The following DOP1B variants were observed in gnomAD, a reference collection of about 807,000 sequenced individuals.
DOP1B encodes the protein DOP1 leucine zipper like protein B.
A neutral mutation model predicts 233.5 loss-of-function variants in DOP1B; 174 were observed. The ratio of observed to expected loss-of-function variants is 0.75; its 90% CI spans 0.66 to 0.85. The LOEUF (loss-of-function observed/expected upper bound fraction) is 0.85. DOP1B is among the 40% of genes least tolerant of loss of function. DOP1B has a pLI of 0.00. For missense variants in DOP1B, 2,652 were observed against 2,846.6 expected (o/e 0.93, Z 1.56); for synonymous variants, 1,190 against 1,185.6 (o/e 1.00, Z -0.08).
chr21:36,230,994 T>C lies in DOP1B; in HGVS notation c.2210T>C (p.Ile737Thr). The part of the protein sequence containing the change: ...GGEWDVEKVV[I>T]DLGGSREERR... ...GAATGGGATGTTGAGAAGGTGGTCA[T>C]TGACCTGGGGGGTTCCAGGGAGGAA... Residue 737 changes from isoleucine to threonine, a missense_variant, in exon 14 of 37, where the codon ATT (isoleucine) becomes ACT (threonine). This residue lies in a region of DOP1B where 2,617 missense variants were observed against 2,794.3 expected (regional missense o/e 0.94). Coordinates refer to ENST00000691173, the MANE Select transcript of DOP1B (RefSeq NM_001320714.2). 6.2e-7 allele frequency: 1 copy of C among 1,614,158 alleles called. No individual in the cohort carries two copies. The highest frequency in any genetic ancestry group is 1.1e-5 in the South Asian group (1 of 91,084).
intron 2 of DOP1B, among the ~76,000 whole-genome samples, chr21:36,194,778 C>T (rs2066270096): frequency 6.6e-6 from 1 of 152,162 alleles, no homozygotes; most frequent in Admixed American, 6.5e-5. Context: ...TGAGCCACTG[C>T]ACCCAGCCTT....
chr21:36,252,237 C>G (rs2067039754), intron 22 of DOP1B, among the ~76,000 whole-genome samples: 1 of 151,744 alleles, frequency 6.6e-6, no homozygotes, highest in Non-Finnish European at 1.5e-5. Context: ...GGTCACTTAT[C>G]CTAGCACTGT....
chr21:36,256,799 A>G lies in DOP1B; in HGVS notation c.5259+2890A>G, dbSNP rs73377433. 2.6e-3 allele frequency among the ~76,000 whole-genome samples: 400 copies of G among 152,150 alleles called. 1 individual carries two copies. Among genetic ancestry groups the G allele is most frequent in the African/African-American group, 8.9e-3 (371 of 41,516 alleles). On this transcript the variant is annotated intron_variant, in intron 23 of 36. Coordinates refer to ENST00000691173, the MANE Select transcript of DOP1B (RefSeq NM_001320714.2). ...AACAACTGTGTCCTCACTCAACAAC[A>G]TAACAATCAACACAGAAGACTTCTC...
Position 36,293,422 on chromosome 21 carries a change from C to T in DOP1B, c.6748C>T (p.Leu2250=), listed in dbSNP as rs768456173. 5.6e-6 allele frequency: 9 copies of T among 1,614,184 alleles called. No individual in the cohort carries two copies. The Admixed American group carries it at 1.3e-4, about 24-fold the overall frequency. Reference sequence around the variant, plus strand: ...GCAGTTGATGCCATTCTTCATGACTCTAAATGGTGCATTTAAGACCCAGAG... The same window carrying T: ...GCAGTTGATGCCATTCTTCATGACTTTAAATGGTGCATTTAAGACCCAGAG... ...IRQLMPFFMT[L]NGAFKTQRQL... Residue 2250 remains leucine (L), a synonymous_variant, in exon 37 of 37, where the codon CTA becomes TTA. Transcript: ENST00000691173.
chr21:36,263,580 TCA>T lies in DOP1B; in HGVS notation c.5352_5353del (p.Leu1785ValfsTer26), dbSNP rs1297402861. Reference protein sequence around the residue: ...PVPALQENFSSLLGVLKESVQ... With the variant: ...PVPALQENFSXLLGVLKESVQ... ...ACCAGCCTTGCAAGAGAACTTTTCT[TCA>T]CTGTTGGGAGTATTGAAAGAGTCTG... On this transcript the variant is annotated frameshift_variant, in exon 25 of 37. Coordinates refer to ENST00000691173, the MANE Select transcript of DOP1B (RefSeq NM_001320714.2). LOFTEE classifies it high-confidence loss of function. 6.2e-7 allele frequency: 1 copy of T among 1,614,070 alleles called. No homozygotes were observed. Among genetic ancestry groups the T allele is most frequent in the Non-Finnish European group, 8.5e-7 (1 of 1,180,044 alleles).
intron 12 of DOP1B, among the ~76,000 whole-genome samples, chr21:36,227,194 T>A (rs184162947): frequency 2.2e-5 from 3 of 137,654 alleles, no homozygotes; most frequent in Admixed American, 7.7e-5. Flanking sequence ...GGTGACAGAG[T>A]GAGACTTCAT....
chr21:36,191,550 C>A (rs2066234518), intron 2 of DOP1B, among the ~76,000 whole-genome samples: 1 of 152,142 alleles, frequency 6.6e-6, no homozygotes, highest in African/African-American at 2.4e-5. Context: ...CTTTGGGAGG[C>A]CAAGGCAGGT....
At chr21:36,253,445 G>A (rs1276731659) in intron 22 of DOP1B, among the ~76,000 whole-genome samples, 1 of 152,108 alleles carries the variant, frequency 6.6e-6, no homozygotes, top group East Asian at 1.9e-4. Flanking sequence ...GCGCGGTGGC[G>A]GCTCATGCCT....
chr21:36,245,643 C>T lies in DOP1B; in HGVS notation c.3663C>T (p.Val1221=), dbSNP rs375671793. The T allele has an allele frequency of 8.7e-6, 14 of 1,613,462 alleles. No homozygotes were observed. Among genetic ancestry groups the T allele is most frequent in the Admixed American group, 8.3e-5 (5 of 60,000 alleles). ...LKQQRERQEA[V]EALFKHILLY... ...AGCAGCGGGAAAGGCAGGAGGCCGT[C>T]GAGGCCTTGTTCAAGCACATCCTGC... Residue 1221 remains valine (V), a synonymous_variant, in exon 19 of 37, where the codon GTC becomes GTT. Transcript: ENST00000691173. The surrounding 1 kb of genome is among the most constrained non-coding windows in gnomAD (Gnocchi z 5.5).
chr21:36,289,004 C>T (rs777661761), intron 34 of DOP1B, 41 bp from the exon 35 acceptor site: 5 of 1,604,294 alleles, frequency 3.1e-6, no homozygotes, highest in African/African-American at 2.7e-5. Flanking sequence ...TATAACAGAT[C>T]TGAATGAATT....
chr21:36,252,175 T>TAA (rs77251657), intron 22 of DOP1B, among the ~76,000 whole-genome samples: 3,307 of 147,404 alleles, frequency 0.022, 111 homozygotes, highest in African/African-American at 0.076. Flanking sequence ...AGTCCCTATC[T>TAA]AAAAAAAAAA....
chr21:36,277,499 T>C (rs948468070), intron 28 of DOP1B, among the ~76,000 whole-genome samples: 7 of 152,048 alleles, frequency 4.6e-5, no homozygotes, highest in Middle Eastern at 3.4e-3. Context: ...GCCAGGATGG[T>C]CTCAATCTCC....
chr21:36,281,705 C>A (rs765609918), intron 32 of DOP1B, 94 bp downstream of exon 32: 10 of 1,195,230 alleles, frequency 8.4e-6, no homozygotes, highest in Non-Finnish European at 1.1e-5. Flanking sequence ...CCTCACAGTT[C>A]TGGAGGCTGA....
chr21:36,161,238 T>A (rs1229775701), intron 1 of DOP1B, among the ~76,000 whole-genome samples: 1 of 151,564 alleles, frequency 6.6e-6, no homozygotes, highest in African/African-American at 2.4e-5. Context: ...CTCCGCCTCC[T>A]GGATTCCAGT....
chr21:36,191,174 C>T (rs75786169), intron 2 of DOP1B, among the ~76,000 whole-genome samples: 6,430 of 150,420 alleles, frequency 0.043, 192 homozygotes, highest in Non-Finnish European at 0.057. Flanking sequence ...CAAATGGGAG[C>T]GGAAGAGTGT....
At chr21:36,221,008 G>T (rs2066616986) in intron 10 of DOP1B, among the ~76,000 whole-genome samples, 2 of 151,776 alleles carry the variant, frequency 1.3e-5, no homozygotes, top group African/African-American at 4.8e-5. Context: ...ACAAGGTCTT[G>T]CTATGTTGCA....
chr21:36,176,030 G>A (rs1039404134), intron 2 of DOP1B, among the ~76,000 whole-genome samples: 1 of 151,540 alleles, frequency 6.6e-6, no homozygotes, highest in Non-Finnish European at 1.5e-5. Flanking sequence ...CAGAGGAAGT[G>A]TGATTTCTTT....
At chr21:36,193,199 T>C (rs1316610006) in intron 2 of DOP1B, among the ~76,000 whole-genome samples, 2 of 152,064 alleles carry the variant, frequency 1.3e-5, no homozygotes, top group Non-Finnish European at 2.9e-5. Flanking sequence ...GAAAGAGAGA[T>C]TAACGAGAGA....
chr21:36,269,686 A>AT (rs1354296189), intron 26 of DOP1B, among the ~76,000 whole-genome samples: 5 of 150,062 alleles, frequency 3.3e-5, no homozygotes, highest in Non-Finnish European at 7.4e-5. Flanking sequence ...TGCCCAGCTA[A>AT]TTTTTGTATT....
Sources: gnomAD v4.1 joint callset for allele counts (sites outside exome capture counted in the v4.1 genomes callset) on GRCh38, gnomAD v4.1.1 for gene constraint, gnomAD v4.1.1 regional missense constraint, Gnocchi (gnomAD v3.1) non-coding constraint, MANE v1.5 for transcripts, NCBI Gene and HGNC (gene_info 2026-07-23, HGNC 2026-07-21) for gene names.